Variants in EPS15 observed in about 807,000 individuals in gnomAD.
EPS15 encodes the protein epidermal growth factor receptor pathway substrate 15, also known as epidermal growth factor receptor substrate 15.
In EPS15, 72 loss-of-function variants were observed where a neutral mutation model predicts 113.8. That is an observed-to-expected ratio of 0.63 (90% CI 0.52 to 0.77). EPS15 has a LOEUF of 0.77. Ranked by LOEUF, EPS15 falls within the 30% of genes least tolerant of loss-of-function variation. The pLI is 0.00. For missense variants in EPS15, 1,048 were observed against 1,045.8 expected, an observed-to-expected ratio of 1.00 and a Z score of -0.03; for synonymous variants, 344 against 363.4, an observed-to-expected ratio of 0.95 and a Z score of 0.61.
At chr1:51,504,625 A>C (rs545444826) in intron 1 of EPS15, among the ~76,000 whole-genome samples, 1 of 152,358 alleles carries the variant, frequency 6.6e-6, no homozygotes, top group East Asian at 1.9e-4. Context: ...TCTCTAAAGA[A>C]GACATACAAA....
Position 51,444,988 on chromosome 1 carries a change from A to G in EPS15, c.855T>C (p.Ala285=). The G allele has an allele frequency of 1.2e-6, 2 of 1,614,030 alleles. No individual in the cohort carries two copies. The highest frequency in any genetic ancestry group is 8.5e-7 in the Non-Finnish European group (1 of 1,179,914). Residue 285 remains alanine, a synonymous_variant, in exon 11 of 25, where the codon GCT becomes GCC. Coordinates refer to ENST00000371733, the MANE Select transcript of EPS15 (RefSeq NM_001981.3). The part of the protein sequence containing the change: ...GKLSKDQFAL[A]FHLISQKLIK... ...TTAACTTCTGACTGATTAAGTGAAAAGCCAAGGCAAACTGATCCTTTGAAA... is the reference window on the plus strand; with the variant it reads ...TTAACTTCTGACTGATTAAGTGAAAGGCCAAGGCAAACTGATCCTTTGAAA...
chr1:51,478,608 C>T (rs1296849182), intron 2 of EPS15, among the ~76,000 whole-genome samples: 1 of 151,280 alleles, frequency 6.6e-6, no homozygotes, highest in East Asian at 1.9e-4. Flanking sequence ...TGTTCCTTTC[C>T]ATGTTTAGTG....
chr1:51,431,018 ACACACAC>A (rs1557462591), intron 12 of EPS15, among the ~76,000 whole-genome samples: 1 of 136,048 alleles, frequency 7.4e-6, no homozygotes, highest in African/African-American at 2.8e-5. Flanking sequence ...ACACACACAC[ACACACAC>A]ACAAAAATAA....
At chr1:51,363,741 G>GC in intron 23 of EPS15, 125 bp downstream of exon 23, 1 of 749,668 alleles carries the variant, frequency 1.3e-6, no homozygotes, top group Non-Finnish European at 2.0e-6. Flanking sequence ...AATGACAGCA[G>GC]CAGGCTTCTG....
chr1:51,500,755 T>C (rs534197426), intron 1 of EPS15, among the ~76,000 whole-genome samples: 30 of 150,540 alleles, frequency 2.0e-4, no homozygotes, highest in African/African-American at 5.4e-4. Flanking sequence ...GAGGCTGAGG[T>C]GGGAGGATCA....
chr1:51,461,521 TAAAAAAAAAAA>T (rs34184025), intron 7 of EPS15, among the ~76,000 whole-genome samples: 8,830 of 85,102 alleles, frequency 0.1, 965 homozygotes, highest in African/African-American at 0.32. Flanking sequence ...CACTGTTTCT[TAAAAAAAAAAA>T]AAAAAAAAAA....
chr1:51,486,263 C>CA (rs780904279), intron 1 of EPS15, among the ~76,000 whole-genome samples: 1,912 of 119,590 alleles, frequency 0.016, 12 homozygotes, highest in African/African-American at 0.019. Context: ...ACTAAAAATA[C>CA]AAAAAAAAAA....
At chr1:51,466,488 T>C (rs887270247) in intron 5 of EPS15, among the ~76,000 whole-genome samples, 5 of 151,516 alleles carry the variant, frequency 3.3e-5, no homozygotes, top group African/African-American at 1.2e-4. Context: ...CCGGGTGTGG[T>C]GGTGGGTGCC....
At chr1:51,440,044 C>A (rs1174011479) in intron 12 of EPS15, among the ~76,000 whole-genome samples, 3 of 151,974 alleles carry the variant, frequency 2.0e-5, no homozygotes, top group African/African-American at 4.8e-5. Flanking sequence ...TGAAATCAAA[C>A]AGTACCTTAT....
chr1:51,437,014 AT>A (rs1232625573), intron 12 of EPS15, among the ~76,000 whole-genome samples: 1 of 152,238 alleles, frequency 6.6e-6, no homozygotes, highest in Admixed American at 6.5e-5. Context: ...TAAGTTAAAA[AT>A]ATCATACTAA....
chr1:51,377,035 G>A (rs140612740), intron 21 of EPS15, among the ~76,000 whole-genome samples: 4,851 of 152,156 alleles, frequency 0.032, 127 homozygotes, highest in Non-Finnish European at 0.05. Context: ...GGAGGCTGAG[G>A]CGGGGTGGAT....
At chr1:51,429,887 G>A (rs1250428198) in intron 12 of EPS15, among the ~76,000 whole-genome samples, 2 of 152,054 alleles carry the variant, frequency 1.3e-5, no homozygotes, top group Admixed American at 1.3e-4. Flanking sequence ...CTGACCTCAG[G>A]TGATCCACCC....
chr1:51,512,147 T>C (rs1644632689), intron 1 of EPS15, among the ~76,000 whole-genome samples: 2 of 152,200 alleles, frequency 1.3e-5, no homozygotes, highest in African/African-American at 4.8e-5. Flanking sequence ...TGAGGCAGGG[T>C]ACAAGGCCAG....
At chr1:51,454,476 A>G (rs1217253756) in intron 8 of EPS15, among the ~76,000 whole-genome samples, 2 of 152,232 alleles carry the variant, frequency 1.3e-5, no homozygotes, top group Non-Finnish European at 2.9e-5. Context: ...TGTCACATGG[A>G]TATCATGTAC....
intron 1 of EPS15, among the ~76,000 whole-genome samples, chr1:51,505,818 T>A (rs1446651890): frequency 6.6e-6 from 1 of 152,144 alleles, no homozygotes; most frequent in Admixed American, 6.6e-5. Flanking sequence ...TTTTTTGAGA[T>A]GGAGTCTCTG....
At chr1:51,478,957 G>GT (rs1297010875) in intron 2 of EPS15, among the ~76,000 whole-genome samples, 1 of 152,144 alleles carries the variant, frequency 6.6e-6, no homozygotes, top group East Asian at 1.9e-4. Context: ...TTCTCGAGGA[G>GT]TATCTTTGTG....
Position 51,406,047 on chromosome 1 carries a change from C to A in EPS15, c.1535G>T (p.Cys512Phe). ...TACAAGAATGCTGTGTGGGCTACTGCACCAATTTAACTGACTATTATGATT... is the reference window on the plus strand; with the variant it reads ...TACAAGAATGCTGTGTGGGCTACTGAACCAATTTAACTGACTATTATGATT... The part of the protein sequence containing the change: ...LENHNSQLNW[C>F]SSPHSILVNG... Residue 512 changes from cysteine (C) to phenylalanine (F), a missense_variant, in exon 16 of 25, where the codon TGC becomes TTC. Coordinates refer to ENST00000371733, the MANE Select transcript of EPS15 (RefSeq NM_001981.3). The A allele has an allele frequency of 6.2e-7, 1 of 1,614,180 alleles. No homozygotes were observed. Among genetic ancestry groups the A allele is most frequent in the Admixed American group, 1.7e-5 (1 of 60,016 alleles).
At chr1:51,497,742 G>A (rs1644348866) in intron 1 of EPS15, among the ~76,000 whole-genome samples, 1 of 152,144 alleles carries the variant, frequency 6.6e-6, no homozygotes, top group Non-Finnish European at 1.5e-5. Flanking sequence ...ACTTTGGGAG[G>A]TCAAGGCGGG....
intron 1 of EPS15, among the ~76,000 whole-genome samples, chr1:51,491,462 T>TC (rs1480589889): frequency 3.3e-5 from 5 of 152,278 alleles, no homozygotes; most frequent in Admixed American, 2.0e-4. Context: ...AGACAGAACA[T>TC]TTAGAAGCTT....
Sources: allele counts gnomAD v4.1 joint callset (sites outside exome capture counted in the v4.1 genomes callset), GRCh38; gene constraint gnomAD v4.1.1; transcripts MANE v1.5; gene names NCBI Gene and HGNC (gene_info 2026-07-23, HGNC 2026-07-21).